POM121L12: variants seen among roughly 807,000 people sequenced by gnomAD.
The protein encoded by POM121L12 is POM121-like protein 12.
For synonymous variants in POM121L12, 251 were observed against 179.2 expected (o/e 1.40, Z -3.20); for missense variants, 553 against 409.2 (o/e 1.35, Z -3.03).
chr7:53,035,782 C>T lies in POM121L12; in HGVS notation c.111C>T (p.Pro37=), dbSNP rs1787535717. 1 of 1,613,718 alleles carries T rather than the reference C, an allele frequency of 6.2e-7. No homozygotes were observed. The highest frequency in any genetic ancestry group is 8.5e-7 in the Non-Finnish European group (1 of 1,179,880). The part of the protein sequence containing the change: ...DALAAPMSRS[P]STPQTTPSPQ... ...TGGCGGCTCCCATGAGCAGGTCACC[C>T]AGCACGCCCCAGACCACGCCATCTC... Residue 37 remains proline, a synonymous_variant, in exon 1 of 1, where the codon CCC becomes CCT. Coordinates refer to ENST00000408890, the MANE Select transcript of POM121L12 (RefSeq NM_182595.4).
Position 53,036,006 on chromosome 7 carries a change from T to A in POM121L12, c.335T>A (p.Leu112His). The A allele has an allele frequency of 6.2e-7, 1 of 1,612,978 alleles. No individual in the cohort carries two copies. The highest frequency in any genetic ancestry group is 1.1e-5 in the South Asian group (1 of 91,076). ...GGGGAGACCGCTCTGGGGCGAGACCTCTCCTGTGCCTGGGAGGGTTGCATG... is the reference window on the plus strand; with the variant it reads ...GGGGAGACCGCTCTGGGGCGAGACCACTCCTGTGCCTGGGAGGGTTGCATG... ...LPGETALGRDLSCAWEGCMKG... is the reference protein window; with the variant it reads ...LPGETALGRDHSCAWEGCMKG... The change falls in exon 1 of 1, where the codon CTC becomes CAC. Residue 112 changes from leucine (L) to histidine (H), a missense_variant. By Grantham distance (99) the Leu-to-His change is moderately conservative. Transcript: ENST00000408890.
rs147456590 is a variant in POM121L12 at position 53,036,734 on chromosome 7, C to G, written c.*172C>G. On this transcript the variant is annotated 3_prime_UTR_variant, in exon 1 of 1. Transcript: ENST00000408890. ...TCTTCCCTCTGTGCTCCCTGCCACC[C>G]CAGCAGCTGTTGATTTCAGAACCCT... 1,636 of 684,014 alleles carry G rather than the reference C, an allele frequency of 2.4e-3. 36 individuals are homozygous for G. In the Admixed American group the frequency reaches 0.039, roughly 16 times the overall value. 42.4% of individuals were successfully genotyped at this position (684,014 alleles called of 1,614,324 possible).
In POM121L12 at chr7:53,036,434, G is replaced by A. The variant is rs777106124; in HGVS notation, c.763G>A (p.Val255Met). The A allele has an allele frequency of 3.1e-6, 5 of 1,613,290 alleles. No homozygotes were observed. The highest frequency in any genetic ancestry group is 1.7e-5 in the Admixed American group (1 of 59,970). The change falls in exon 1 of 1, where the codon GTG becomes ATG. Residue 255 changes from valine to methionine, a missense_variant. Coordinates refer to ENST00000408890, the MANE Select transcript of POM121L12 (RefSeq NM_182595.4). ...LSFCDDAWPSVLVQPAPSAIW... is the reference protein window; with the variant it reads ...LSFCDDAWPSMLVQPAPSAIW... ...TTTTTGTGATGATGCTTGGCCTTCC[G>A]TGCTGGTCCAGCCCGCCCCATCCGC...
At position 53,036,306 on chromosome 7, in the gene POM121L12, C is replaced by T; in HGVS notation, c.635C>T (p.Pro212Leu). 6.8e-6 allele frequency: 11 copies of T among 1,614,080 alleles called. No individual in the cohort carries two copies. The highest frequency in any genetic ancestry group is 1.1e-5 in the South Asian group (1 of 91,086). The change falls in exon 1 of 1, where the codon CCC becomes CTC. Residue 212 changes from proline (P) to leucine (L), a missense_variant. Coordinates refer to ENST00000408890, the MANE Select transcript of POM121L12 (RefSeq NM_182595.4). ...AAGGGTGGCAGGCGGAACCTGCAGC[C>T]CCGGCCCTCTGCCTTCAAGCCCCTG... ...DSKGGRRNLQ[P>L]RPSAFKPLSK... is the part of the protein sequence containing the mutation.
Position 53,035,919 on chromosome 7 carries a change from C to A in POM121L12, c.248C>A (p.Thr83Asn), listed in dbSNP as rs780541506. 15 of 1,612,650 alleles carry A rather than the reference C, an allele frequency of 9.3e-6. No homozygotes were observed. In the South Asian group the frequency reaches 1.6e-4, roughly 18 times the overall value. The change falls in exon 1 of 1, where the codon ACC becomes AAC. Residue 83 changes from threonine (T) to asparagine (N), a missense_variant. Coordinates refer to ENST00000408890, the MANE Select transcript of POM121L12 (RefSeq NM_182595.4). ...ACCCACCTCATCGAGGTGCGGCCCA[C>A]CCAGGACCCCGCCAAGCCGCAGCGG... The part of the protein sequence containing the change: ...PSTHLIEVRP[T>N]QDPAKPQRVV...
At position 53,036,635 on chromosome 7, in the gene POM121L12, T is replaced by G. The variant is rs1787566975; in HGVS notation, c.*73T>G. 7 of 1,481,716 alleles carry G rather than the reference T, an allele frequency of 4.7e-6. No homozygotes were observed. The highest frequency in any genetic ancestry group is 6.4e-6 in the Non-Finnish European group (7 of 1,098,096). The allele number at this position is 1,481,716 out of a possible 1,614,324, so 91.8% of individuals were successfully genotyped here. A position where few individuals can be genotyped will look rare whatever the true frequency, so the allele number is the denominator to read the frequency against. ...TACTTTCACTTGCTCATCCTTGCTC[T>G]ACCTCAACGTGGGGCCCTGACACCA... On this transcript the variant is annotated 3_prime_UTR_variant, in exon 1 of 1. Coordinates refer to ENST00000408890, the MANE Select transcript of POM121L12 (RefSeq NM_182595.4).
rs114283332 is a variant in POM121L12, at chr7:53,036,346, G to C, written c.675G>C (p.Ala225=). ...SAFKPLSKNG[A]VASFVPRPGP... ...TCAAGCCCCTGAGCAAAAATGGAGC[G>C]GTTGCTTCCTTCGTGCCCAGGCCAG... Residue 225 remains alanine (A), a synonymous_variant, in exon 1 of 1, where the codon GCG becomes GCC. Transcript: ENST00000408890. The C allele has an allele frequency of 6.2e-7, 1 of 1,613,960 alleles. No homozygotes were observed. Among genetic ancestry groups the C allele is most frequent in the Admixed American group, 1.7e-5 (1 of 60,030 alleles).
rs779684471 is a variant in POM121L12, at chr7:53,036,314, T to A, written c.643T>A (p.Ser215Thr). 1.2e-6 allele frequency: 2 copies of A among 1,614,036 alleles called. No homozygotes were observed. Among genetic ancestry groups the A allele is most frequent in the Admixed American group, 1.7e-5 (1 of 60,020 alleles). Residue 215 changes from serine (S) to threonine (T), a missense_variant, in exon 1 of 1, where the codon TCT (serine) becomes ACT (threonine). Ser to Thr is a moderately conservative substitution (Grantham distance 58). Transcript: ENST00000408890. ...CAGGCGGAACCTGCAGCCCCGGCCC[T>A]CTGCCTTCAAGCCCCTGAGCAAAAA... The part of the protein sequence containing the change: ...GGRRNLQPRP[S>T]AFKPLSKNGA...
the POM121L12 span, chr7:53,035,811 AG>A: frequency 3.1e-6 from 5 of 1,613,650 alleles, no homozygotes; most frequent in East Asian, 1.1e-4. Context: ...CCATCTCCCC[AG>A]GGTCGCCAGA....
Position 53,036,130 on chromosome 7 carries a change from C to T in POM121L12, c.459C>T (p.Ser153=). 3 of 1,611,498 alleles carry T rather than the reference C, an allele frequency of 1.9e-6. No individual in the cohort carries two copies. Among genetic ancestry groups the T allele is most frequent in the Non-Finnish European group, 1.7e-6 (2 of 1,179,656 alleles). Residue 153 remains serine (S), a synonymous_variant, in exon 1 of 1, where the codon TCC becomes TCT. Coordinates refer to ENST00000408890, the MANE Select transcript of POM121L12 (RefSeq NM_182595.4). Reference sequence around the variant, plus strand: ...AGCGTCAGGAGAGCCCCTGGAGATCCCCTGGACAGAGAGCCCGCCCCGCAG... The same window carrying T: ...AGCGTCAGGAGAGCCCCTGGAGATCTCCTGGACAGAGAGCCCGCCCCGCAG... The part of the protein sequence containing the change: ...PPERQESPWR[S]PGQRARPAGR...
In POM121L12 at chr7:53,035,708, G is replaced by A. The variant is rs373793681; in HGVS notation, c.37G>A (p.Gly13Arg). 17 of 1,607,464 alleles carry A rather than the reference G, an allele frequency of 1.1e-5. No homozygotes were observed. The highest frequency in any genetic ancestry group is 3.3e-5 in the South Asian group (3 of 90,192). ...AAAPAESADL[G>R]NFWKAGEPLL... Reference sequence around the variant, plus strand: ...AGCTCCGGCCGAGTCCGCAGACCTCGGGAACTTCTGGAAGGCGGGAGAACC... The same window carrying A: ...AGCTCCGGCCGAGTCCGCAGACCTCAGGAACTTCTGGAAGGCGGGAGAACC... The change falls in exon 1 of 1, where the codon GGG (glycine) becomes AGG (arginine). Residue 13 changes from glycine to arginine, a missense_variant. Transcript: ENST00000408890.
Position 53,036,005 on chromosome 7 carries a change from C to T in POM121L12, c.334C>T (p.Leu112Phe). Reference protein sequence around the residue: ...LPGETALGRDLSCAWEGCMKG... With the variant: ...LPGETALGRDFSCAWEGCMKG... ...CGGGGAGACCGCTCTGGGGCGAGAC[C>T]TCTCCTGTGCCTGGGAGGGTTGCAT... The change falls in exon 1 of 1, where the codon CTC (leucine) becomes TTC (phenylalanine). Residue 112 changes from leucine (L) to phenylalanine (F), a missense_variant. Physicochemically the swap from Leu to Phe is conservative, Grantham distance 22 (BLOSUM62 0). Coordinates refer to ENST00000408890, the MANE Select transcript of POM121L12 (RefSeq NM_182595.4). 1 of 1,613,132 alleles carries T rather than the reference C, an allele frequency of 6.2e-7. No homozygotes were observed.
Position 53,035,883 on chromosome 7 carries a change from C to T in POM121L12, c.212C>T (p.Pro71Leu), listed in dbSNP as rs749109595. Reference protein sequence around the residue: ...SHIQYFQWGRPVPSTHLIEVR... With the variant: ...SHIQYFQWGRLVPSTHLIEVR... ...ATTCAGTACTTCCAGTGGGGGCGCC[C>T]GGTGCCCAGCACCCACCTCATCGAG... is the stretch of plus-strand genomic sequence containing the variant. The change falls in exon 1 of 1, where the codon CCG becomes CTG. Residue 71 changes from proline (P) to leucine (L), a missense_variant. Pro to Leu is a moderately conservative substitution (Grantham distance 98). Coordinates refer to ENST00000408890, the MANE Select transcript of POM121L12 (RefSeq NM_182595.4). 1.8e-5 allele frequency: 29 copies of T among 1,613,118 alleles called. No individual in the cohort carries two copies. Among genetic ancestry groups the T allele is most frequent in the South Asian group, 6.6e-5 (6 of 91,082 alleles).
At chr7:53,035,998 G>GC in the POM121L12 span, 1 of 1,613,052 alleles carries the variant, frequency 6.2e-7, no homozygotes, top group South Asian at 1.1e-5. Context: ...CCGCTCTGGG[G>GC]CGAGACCTCT....
At position 53,036,824 on chromosome 7, in the gene POM121L12, T is replaced by G. The variant is rs113884572; in HGVS notation, c.*262T>G. ...CCTGCCCTTCCTCTGAAAAGAGGCATTTCGGGAAGGCTTGCTTTTTCTCCA... is the reference window on the plus strand; with the variant it reads ...CCTGCCCTTCCTCTGAAAAGAGGCAGTTCGGGAAGGCTTGCTTTTTCTCCA... On this transcript the variant is annotated 3_prime_UTR_variant, in exon 1 of 1. Coordinates refer to ENST00000408890, the MANE Select transcript of POM121L12 (RefSeq NM_182595.4). 143 of 461,726 alleles carry G rather than the reference T, an allele frequency of 3.1e-4. No homozygotes were observed. Among genetic ancestry groups the G allele is most frequent in the African/African-American group, 2.6e-3 (131 of 51,126 alleles). 28.6% of individuals were successfully genotyped at this position (461,726 alleles called of 1,614,324 possible). A position where few individuals can be genotyped will look rare whatever the true frequency, so the allele number is the denominator to read the frequency against.
In POM121L12 at chr7:53,036,252, G is replaced by A. The variant is rs200587634; in HGVS notation, c.581G>A (p.Gly194Glu). ...QCPKGSARFD[G>E]PLWFEVSDSK... Reference sequence around the variant, plus strand: ...CCCAAGGGAAGCGCTAGGTTCGACGGGCCGTTGTGGTTCGAGGTCTCAGAC... The same window carrying A: ...CCCAAGGGAAGCGCTAGGTTCGACGAGCCGTTGTGGTTCGAGGTCTCAGAC... Residue 194 changes from glycine to glutamate, a missense_variant, in exon 1 of 1, where the codon GGG becomes GAG. Coordinates refer to ENST00000408890, the MANE Select transcript of POM121L12 (RefSeq NM_182595.4). 1.2e-6 allele frequency: 2 copies of A among 1,614,018 alleles called. No homozygotes were observed. The highest frequency in any genetic ancestry group is 1.7e-6 in the Non-Finnish European group (2 of 1,179,972).
Position 53,036,719 on chromosome 7 carries a change from G to T in POM121L12, c.*157G>T. 1.3e-6 allele frequency: 1 copy of T among 773,302 alleles called. No homozygotes were observed. The highest frequency in any genetic ancestry group is 2.0e-5 in the South Asian group (1 of 49,462). 47.9% of individuals were successfully genotyped at this position (773,302 alleles called of 1,614,324 possible). A position where few individuals can be genotyped will look rare whatever the true frequency, so the allele number is the denominator to read the frequency against. Reference sequence around the variant, plus strand: ...CTGCCCGCCCCCAGATCTTCCCTCTGTGCTCCCTGCCACCCCAGCAGCTGT... The same window carrying T: ...CTGCCCGCCCCCAGATCTTCCCTCTTTGCTCCCTGCCACCCCAGCAGCTGT... On this transcript the variant is annotated 3_prime_UTR_variant, in exon 1 of 1. Coordinates refer to ENST00000408890, the MANE Select transcript of POM121L12 (RefSeq NM_182595.4).
chr7:53,035,993 C>G lies in POM121L12; in HGVS notation c.322C>G (p.Leu108Val), dbSNP rs773404804. The G allele has an allele frequency of 9.1e-5, 146 of 1,612,826 alleles. No individual in the cohort carries two copies. Among genetic ancestry groups the G allele is most frequent in the Non-Finnish European group, 1.2e-4 (137 of 1,179,720 alleles). Residue 108 changes from leucine (L) to valine (V), a missense_variant, in exon 1 of 1, where the codon CTG (leucine) becomes GTG (valine). By Grantham distance (32) the Leu-to-Val change is conservative. Transcript: ENST00000408890. Reference sequence around the variant, plus strand: ...CCCTGCCCTTCCCGGGGAGACCGCTCTGGGGCGAGACCTCTCCTGTGCCTG... The same window carrying G: ...CCCTGCCCTTCCCGGGGAGACCGCTGTGGGGCGAGACCTCTCCTGTGCCTG... ...RRPALPGETALGRDLSCAWEG... is the reference protein window; with the variant it reads ...RRPALPGETAVGRDLSCAWEG...
chr7:53,036,268 G>A lies in POM121L12; in HGVS notation c.597G>A (p.Glu199=). The change falls in exon 1 of 1, where the codon GAG becomes GAA. Residue 199 remains glutamate (E), a synonymous_variant. Coordinates refer to ENST00000408890, the MANE Select transcript of POM121L12 (RefSeq NM_182595.4). ...SARFDGPLWF[E]VSDSKGGRRN... ...GGTTCGACGGGCCGTTGTGGTTCGA[G>A]GTCTCAGACAGCAAGGGTGGCAGGC... 1 of 1,614,096 alleles carries A rather than the reference G, an allele frequency of 6.2e-7. No individual in the cohort carries two copies. Among genetic ancestry groups the A allele is most frequent in the Non-Finnish European group, 8.5e-7 (1 of 1,180,004 alleles).
Sources: gnomAD v4.1 joint callset for allele counts on GRCh38, gnomAD v4.1.1 for gene constraint, MANE v1.5 for transcripts, NCBI Gene and HGNC (gene_info 2026-07-23, HGNC 2026-07-21) for gene names.